The following TOP1 variants were observed in gnomAD, a reference collection of about 807,000 sequenced individuals.
The protein encoded by TOP1 is DNA topoisomerase I.
A neutral mutation model predicts 111.1 loss-of-function variants in TOP1; 10 were observed. The ratio of observed to expected loss-of-function variants is 0.09; its 90% CI spans 0.06 to 0.15. TOP1 has a LOEUF of 0.15. Ranked by LOEUF, TOP1 falls within the 10% of genes least tolerant of loss-of-function variation. The probability of loss-of-function intolerance (pLI) is 1.00; values close to 1 mark genes in which losing one functional copy is unlikely to be tolerated. For synonymous variants in TOP1, 271 were observed against 302.9 expected (o/e 0.89, Z 1.10); for missense variants, 474 against 926.7 (o/e 0.51, Z 6.34).
Position 41,121,946 on chromosome 20 carries a change from TAC to T in TOP1, c.2046-58_2046-57del. On this transcript the variant is annotated intron_variant, in intron 19 of 20. Coordinates refer to ENST00000361337, the MANE Select transcript of TOP1 (RefSeq NM_003286.4). The surrounding 1 kb of genome is among the most constrained non-coding windows in gnomAD (Gnocchi z 4.2). The stretch of plus-strand genomic sequence containing the variant: ...TATTGACTCAAAGTGGCAGGATGGG[TAC>T]AGTGTGCTCTTGTCTAGAGCCCAGG... 6.3e-7 allele frequency: 1 copy of T among 1,595,184 alleles called. No homozygotes were observed. Among genetic ancestry groups the T allele is most frequent in the South Asian group, 1.1e-5 (1 of 89,044 alleles).
rs1413072614 is a variant in TOP1 at position 41,116,550 on chromosome 20, G to A, written c.1822+158G>A. 1.3e-5 allele frequency among the ~76,000 whole-genome samples: 2 copies of A among 152,066 alleles called. No individual in the cohort carries two copies. Among genetic ancestry groups the A allele is most frequent in the Non-Finnish European group, 2.9e-5 (2 of 68,030 alleles). ...TCTAGTAGCGAGATAATGCTTTGTT[G>A]TATAAACATAGGATCAATGCTGTTT... On this transcript the variant is annotated intron_variant, in intron 17 of 20. Coordinates refer to ENST00000361337, the MANE Select transcript of TOP1 (RefSeq NM_003286.4). The surrounding 1 kb of genome is among the most constrained non-coding windows in gnomAD (Gnocchi z 5.6).
rs1396976286 is a variant in TOP1, at chr20:41,081,201, T to C, written c.468T>C (p.Asp156=). Residue 156 remains aspartate, a synonymous_variant, in exon 7 of 21, where the codon GAT becomes GAC. Transcript: ENST00000361337. Reference sequence around the variant, plus strand: ...AACCTAAGAAAATTAAAACAGAAGATACCAAGAAGGAGAAGAAAAGAAAAC... The same window carrying C: ...AACCTAAGAAAATTAAAACAGAAGACACCAAGAAGGAGAAGAAAAGAAAAC... ...DYKPKKIKTE[D]TKKEKKRKLE... 2.5e-6 allele frequency: 4 copies of C among 1,600,636 alleles called. No homozygotes were observed. In the Admixed American group the frequency reaches 5.1e-5, roughly 20 times the overall value.
At chr20:41,038,148 G>A (rs576309537) in intron 2 of TOP1, among the ~76,000 whole-genome samples, 3 of 152,216 alleles carry the variant, frequency 2.0e-5, no homozygotes, top group African/African-American at 7.2e-5. Flanking sequence ...TACAGAATGC[G>A]AATAGTCTCC....
intron 2 of TOP1, among the ~76,000 whole-genome samples, chr20:41,036,890 G>A (rs937742009): frequency 6.9e-6 from 1 of 145,912 alleles, no homozygotes. Flanking sequence ...GAGTGCAGTG[G>A]CGCAATCTCG....
At chr20:41,086,974 G>A (rs573355263) in intron 8 of TOP1, among the ~76,000 whole-genome samples, 2 of 152,316 alleles carry the variant, frequency 1.3e-5, no homozygotes, top group South Asian at 4.1e-4. Context: ...GACTGCCACT[G>A]ATGACCTAGT....
rs761869498 is a variant in TOP1 at position 41,097,148 on chromosome 20, C to T, written c.731-72C>T. ...AGGCAAACCATTATTAAAGAGAATT[C>T]GCTAGCCCTGGGTATTTATGCTTAG... is the stretch of plus-strand genomic sequence containing the variant. On this transcript the variant is annotated intron_variant, in intron 9 of 20. Coordinates refer to ENST00000361337, the MANE Select transcript of TOP1 (RefSeq NM_003286.4). This position sits in a 1 kb window ranked among gnomAD's most constrained non-coding sequence, Gnocchi z 4.2. The T allele has an allele frequency of 3.4e-5, 53 of 1,538,926 alleles. No individual in the cohort carries two copies. Among genetic ancestry groups the T allele is most frequent in the African/African-American group, 8.3e-5 (6 of 72,194 alleles).
chr20:41,052,107 T>C (rs1378502978), intron 2 of TOP1, among the ~76,000 whole-genome samples: 1 of 152,206 alleles, frequency 6.6e-6, no homozygotes, highest in East Asian at 1.9e-4. Flanking sequence ...GACAGAGATT[T>C]GAAGCTCTTT....
chr20:41,061,015 G>T lies in TOP1; in HGVS notation c.59-379G>T, dbSNP rs556143564. Among the ~76,000 whole-genome samples the T allele has an allele frequency of 7.2e-5, 11 of 152,244 alleles. No individual in the cohort carries two copies. The highest frequency in any genetic ancestry group is 2.6e-4 in the African/African-American group (11 of 41,530). ...CATTCATTTAAAAACATCTGTTGAGGTTTGGATTTTTCAGAAGTTATAACA... is the reference window on the plus strand; with the variant it reads ...CATTCATTTAAAAACATCTGTTGAGTTTTGGATTTTTCAGAAGTTATAACA... On this transcript the variant is annotated intron_variant, in intron 2 of 20. Coordinates refer to ENST00000361337, the MANE Select transcript of TOP1 (RefSeq NM_003286.4). The surrounding 1 kb of genome is among the most constrained non-coding windows in gnomAD (Gnocchi z 4.6).
intron 18 of TOP1, among the ~76,000 whole-genome samples, chr20:41,119,180 A>T (rs2034381253): frequency 6.6e-6 from 1 of 152,280 alleles, no homozygotes; most frequent in Non-Finnish European, 1.5e-5. Context: ...TAATTAATTA[A>T]TATCAATGAT....
chr20:41,077,559 G>C (rs368904027), intron 4 of TOP1, 23 bp from the exon 5 acceptor site: 1 of 1,608,484 alleles, frequency 6.2e-7, no homozygotes, highest in Admixed American at 1.7e-5. Context: ...CAAGGTACTA[G>C]TTACTGTTGT....
chr20:41,075,636 G>A (rs890695058), intron 3 of TOP1, among the ~76,000 whole-genome samples: 1 of 152,126 alleles, frequency 6.6e-6, no homozygotes, highest in Non-Finnish European at 1.5e-5. Context: ...GCTTTCAGAT[G>A]GGTCTTTTCT....
chr20:41,041,626 A>T (rs549066958), intron 2 of TOP1, among the ~76,000 whole-genome samples: 1 of 152,064 alleles, frequency 6.6e-6, no homozygotes, highest in East Asian at 1.9e-4. Context: ...GATATGCCTA[A>T]AAGTCACCTG....
chr20:41,051,607 A>G (rs1238148091), intron 2 of TOP1, among the ~76,000 whole-genome samples: 1 of 152,192 alleles, frequency 6.6e-6, no homozygotes, highest in Non-Finnish European at 1.5e-5. Flanking sequence ...GGGGAATGCT[A>G]TGGCGTTAAC....
At position 41,123,363 on chromosome 20, in the gene TOP1, GCCTCACTTGC is replaced by G; in HGVS notation, c.*71_*80del. The stretch of plus-strand genomic sequence containing the variant: ...GGTTTGGGAAAGATGGATAAACTGA[GCCTCACTTGC>G]CCTCGTGCCTGGGGGAGAGAGGCAG... On this transcript the variant is annotated 3_prime_UTR_variant, in exon 21 of 21. Coordinates refer to ENST00000361337, the MANE Select transcript of TOP1 (RefSeq NM_003286.4). This position sits in a 1 kb window ranked among gnomAD's most constrained non-coding sequence, Gnocchi z 5.8. 1 of 1,205,694 alleles carries G rather than the reference GCCTCACTTGC, an allele frequency of 8.3e-7. No individual in the cohort carries two copies. The highest frequency in any genetic ancestry group is 1.2e-6 in the Non-Finnish European group (1 of 820,900). 74.7% of individuals were successfully genotyped at this position (1,205,694 alleles called of 1,614,324 possible).
intron 4 of TOP1, 116 bp from the exon 5 acceptor site, chr20:41,077,466 A>C: frequency 1.2e-6 from 1 of 833,174 alleles, no homozygotes; most frequent in South Asian, 1.6e-5. Context: ...TTTTGGTAAC[A>C]TAAGAGCCAG....
intron 17 of TOP1, among the ~76,000 whole-genome samples, chr20:41,117,326 C>A (rs373693923): frequency 1.3e-5 from 2 of 150,798 alleles, no homozygotes; most frequent in African/African-American, 2.4e-5. Context: ...CAGGGTGAGA[C>A]GCTATCTCTA....
rs2033759808 is a variant in TOP1 at position 41,079,046 on chromosome 20, AG to A, written c.336-1034del. ...GGGTCTGTGTCAGTATTCAGGCAGG[AG>A]GGGGAACAGCTGTAGAAGCTGGCAT... On this transcript the variant is annotated intron_variant, in intron 5 of 20. Coordinates refer to ENST00000361337, the MANE Select transcript of TOP1 (RefSeq NM_003286.4). The surrounding 1 kb of genome is among the most constrained non-coding windows in gnomAD (Gnocchi z 4.0). Among the ~76,000 whole-genome samples, 1 of 152,104 alleles carries A rather than the reference AG, an allele frequency of 6.6e-6. No homozygotes were observed. The highest frequency in any genetic ancestry group is 1.5e-5 in the Non-Finnish European group (1 of 68,014).
At chr20:41,105,000 A>G (rs1486098081) in intron 13 of TOP1, among the ~76,000 whole-genome samples, 1 of 152,212 alleles carries the variant, frequency 6.6e-6, no homozygotes, top group Non-Finnish European at 1.5e-5. Flanking sequence ...GAACACTCGT[A>G]TGTCCACCAT....
rs764558474 is a variant in TOP1 at position 41,098,346 on chromosome 20, GA to G, written c.975+11del. 7 of 1,610,176 alleles carry G rather than the reference GA, an allele frequency of 4.3e-6. No individual in the cohort carries two copies. Among genetic ancestry groups the G allele is most frequent in the Non-Finnish European group, 5.9e-6 (7 of 1,179,014 alleles). ...GCAAGGAAGAGAAACTGGTACTACA[GA>G]ATTTATTAAACCTCTGGAGAATTCT... On this transcript the variant is annotated intron_variant, in intron 11 of 20. Transcript: ENST00000361337. The surrounding 1 kb of genome is among the most constrained non-coding windows in gnomAD (Gnocchi z 5.7).
Sources: gnomAD v4.1 joint callset for allele counts (sites outside exome capture counted in the v4.1 genomes callset) on GRCh38, gnomAD v4.1.1 for gene constraint, Gnocchi (gnomAD v3.1) non-coding constraint, MANE v1.5 for transcripts, NCBI Gene and HGNC (gene_info 2026-07-23, HGNC 2026-07-21) for gene names.